MEF2A: variants seen among roughly 807,000 people sequenced by gnomAD.
MEF2A encodes the protein myocyte-specific enhancer factor 2A.
MEF2A carries 28 observed loss-of-function variants against 55.8 expected under a neutral mutation model. The ratio of observed to expected loss-of-function variants is 0.50; its 90% CI spans 0.37 to 0.69. MEF2A has a LOEUF of 0.69. Among genes scored for constraint, MEF2A ranks in the 30% least tolerant of loss-of-function variants. The probability of loss-of-function intolerance (pLI) is 0.00; values close to 1 mark genes in which losing one functional copy is unlikely to be tolerated. For missense variants in MEF2A, 528 were observed against 626.2 expected (o/e 0.84, Z 1.67); for synonymous variants, 239 against 227.1 (o/e 1.05, Z -0.47).
At chr15:99,677,844 T>TAA (rs1001931170) in intron 7 of MEF2A, among the ~76,000 whole-genome samples, 2 of 152,122 alleles carry the variant, frequency 1.3e-5, no homozygotes, top group Non-Finnish European at 2.9e-5. Flanking sequence ...GACAGCAAAT[T>TAA]AAACATAAAG....
At chr15:99,633,195 T>C in intron 3 of MEF2A, 22 bp downstream of exon 3, 2 of 1,487,998 alleles carry the variant, frequency 1.3e-6, no homozygotes, top group Non-Finnish European at 1.8e-6. Flanking sequence ...TTTTAATTTA[T>C]TTAATTGATA....
intron 10 of MEF2A, among the ~76,000 whole-genome samples, chr15:99,709,944 TTCTG>T (rs1413102309): frequency 6.6e-6 from 1 of 152,216 alleles, no homozygotes; most frequent in Admixed American, 6.5e-5. Flanking sequence ...CATGTAGGGA[TTCTG>T]TCTTTCCTGT....
At chr15:99,665,731 CAAAAAAAAA>C (rs752473261) in intron 4 of MEF2A, among the ~76,000 whole-genome samples, 4 of 20,248 alleles carry the variant, frequency 2.0e-4, no homozygotes, top group South Asian at 2.0e-3. Context: ...CTTAAATTTA[CAAAAAAAAA>C]AAAAAAAAAA....
intron 2 of MEF2A, among the ~76,000 whole-genome samples, chr15:99,616,776 G>A (rs1199842700): frequency 6.6e-6 from 1 of 152,076 alleles, no homozygotes; most frequent in Non-Finnish European, 1.5e-5. Flanking sequence ...GTAAAGTAAT[G>A]TTATATTTGG....
intron 3 of MEF2A, among the ~76,000 whole-genome samples, chr15:99,644,740 A>G (rs1031194093): frequency 1.3e-5 from 2 of 152,348 alleles, no homozygotes; most frequent in Middle Eastern, 3.4e-3. Context: ...TCACAACAGC[A>G]TTGAGCAGAA....
chr15:99,627,906 C>T (rs1279830655), intron 2 of MEF2A, among the ~76,000 whole-genome samples: 1 of 152,152 alleles, frequency 6.6e-6, no homozygotes, highest in Non-Finnish European at 1.5e-5. Context: ...ATGTAGTAAG[C>T]ATTTTACATC....
chr15:99,581,596 C>T lies in MEF2A; in HGVS notation c.-225+15492C>T, dbSNP rs114342620. Reference sequence around the variant, plus strand: ...TGGCCTAGGTTCTGCTTCCCCCAAACCCTTCCTCTTTTGGACTCTGTCCCT... The same window carrying T: ...TGGCCTAGGTTCTGCTTCCCCCAAATCCTTCCTCTTTTGGACTCTGTCCCT... On this transcript the variant is annotated intron_variant, in intron 1 of 11. Coordinates refer to ENST00000557942, the MANE Select transcript of MEF2A (RefSeq NM_001319206.4). Among the ~76,000 whole-genome samples the T allele has an allele frequency of 6.6e-3, 1,010 of 152,240 alleles. 11 individuals carry two copies. Among genetic ancestry groups the T allele is most frequent in the African/African-American group, 0.023 (961 of 41,532 alleles).
intron 3 of MEF2A, among the ~76,000 whole-genome samples, chr15:99,643,866 C>T (rs1049684545): frequency 3.9e-5 from 6 of 152,246 alleles, no homozygotes; most frequent in Middle Eastern, 3.4e-3. Context: ...GCTGGGATTA[C>T]GGGCGTGAGC....
intron 1 of MEF2A, among the ~76,000 whole-genome samples, chr15:99,567,840 C>T (rs993957837): frequency 6.6e-6 from 1 of 152,164 alleles, no homozygotes; most frequent in Non-Finnish European, 1.5e-5. Flanking sequence ...TATGGTGACA[C>T]ATTGACAATA....
At chr15:99,689,849 C>T (rs994084953) in intron 7 of MEF2A, among the ~76,000 whole-genome samples, 1 of 152,196 alleles carries the variant, frequency 6.6e-6, no homozygotes, top group African/African-American at 2.4e-5. Context: ...TATCATTAGT[C>T]TTAAGCTTTA....
chr15:99,647,139 T>A (rs1318143609), intron 4 of MEF2A, among the ~76,000 whole-genome samples: 1 of 152,204 alleles, frequency 6.6e-6, no homozygotes, highest in Non-Finnish European at 1.5e-5. Flanking sequence ...TGTTATCATT[T>A]ATTTATAATA....
At chr15:99,657,813 T>A (rs183847365) in intron 4 of MEF2A, among the ~76,000 whole-genome samples, 4 of 152,156 alleles carry the variant, frequency 2.6e-5, no homozygotes, top group African/African-American at 9.6e-5. Flanking sequence ...ACTGAGCAGA[T>A]AGGGGAAAGA....
At chr15:99,630,425 T>C (rs947780466) in intron 2 of MEF2A, among the ~76,000 whole-genome samples, 5 of 152,222 alleles carry the variant, frequency 3.3e-5, no homozygotes, top group Non-Finnish European at 7.3e-5. Context: ...TTTCATGTTT[T>C]CCACTTTTTG....
chr15:99,662,103 T>A (rs1274209963), intron 4 of MEF2A, among the ~76,000 whole-genome samples: 2 of 152,118 alleles, frequency 1.3e-5, no homozygotes, highest in Admixed American at 6.6e-5. Flanking sequence ...GTGGTAAATG[T>A]ATAAAGAAAA....
chr15:99,712,443 A>T lies in MEF2A; in HGVS notation c.1190A>T (p.Asn397Ile). ...AATTTATCCATTAATACCAACCAAA[A>T]CATCAGCATCAAGTCCGAACCGATT... The part of the protein sequence containing the change: ...GSNLSINTNQ[N>I]ISIKSEPISP... Residue 397 changes from asparagine to isoleucine, a missense_variant, in exon 12 of 12, where the codon AAC (asparagine) becomes ATC (isoleucine). By Grantham distance (149) the Asn-to-Ile change is moderately radical. Coordinates refer to ENST00000557942, the MANE Select transcript of MEF2A (RefSeq NM_001319206.4). The surrounding 1 kb of genome is among the most constrained non-coding windows in gnomAD (Gnocchi z 4.1). 1 of 1,549,974 alleles carries T rather than the reference A, an allele frequency of 6.5e-7. No homozygotes were observed. Among genetic ancestry groups the T allele is most frequent in the South Asian group, 1.2e-5 (1 of 83,922 alleles).
chr15:99,663,111 T>A (rs1161607133), intron 4 of MEF2A, among the ~76,000 whole-genome samples: 1 of 152,090 alleles, frequency 6.6e-6, no homozygotes, highest in East Asian at 1.9e-4. Flanking sequence ...AGGCAGGAGT[T>A]AAAAGTGCAG....
At chr15:99,573,286 C>CAA (rs66573508) in intron 1 of MEF2A, among the ~76,000 whole-genome samples, 44 of 86,460 alleles carry the variant, frequency 5.1e-4, no homozygotes, top group African/African-American at 7.3e-4. Context: ...GACTCCGTCT[C>CAA]AAAAAAAAAA....
intron 7 of MEF2A, among the ~76,000 whole-genome samples, chr15:99,687,308 C>T (rs763484384): frequency 1.3e-5 from 2 of 151,996 alleles, no homozygotes; most frequent in Non-Finnish European, 2.9e-5. Context: ...GTGTTAAGCA[C>T]ACAGCAGACA....
intron 1 of MEF2A, among the ~76,000 whole-genome samples, chr15:99,593,403 T>G (rs1970029218): frequency 6.6e-6 from 1 of 152,184 alleles, no homozygotes; most frequent in African/African-American, 2.4e-5. Flanking sequence ...ATTTTATCAG[T>G]TTTCTAGTTT....
Sources: gnomAD v4.1 joint callset for allele counts (sites outside exome capture counted in the v4.1 genomes callset) on GRCh38, gnomAD v4.1.1 for gene constraint, Gnocchi (gnomAD v3.1) non-coding constraint, MANE v1.5 for transcripts, NCBI Gene and HGNC (gene_info 2026-07-23, HGNC 2026-07-21) for gene names.